Variants in SYTL3 observed in about 807,000 individuals in gnomAD.
The protein encoded by SYTL3 is synaptotagmin-like protein 3.
In SYTL3, 88 loss-of-function variants were observed where a neutral mutation model predicts 82.1. The ratio of observed to expected loss-of-function variants is 1.07; its 90% CI spans 0.90 to 1.28. The LOEUF is 1.28. Ranked by LOEUF, SYTL3 falls within the 50% of genes most tolerant of loss-of-function variation. The pLI, the probability that SYTL3 is intolerant of heterozygous loss-of-function variation, is 0.00. For missense variants in SYTL3, 831 were observed against 757.6 expected, an observed-to-expected ratio of 1.10 and a Z score of -1.14; for synonymous variants, 311 against 289.4, an observed-to-expected ratio of 1.07 and a Z score of -0.76.
At chr6:158,679,822 C>T (rs1054375353) in intron 5 of SYTL3, among the ~76,000 whole-genome samples, 1 of 152,176 alleles carries the variant, frequency 6.6e-6, no homozygotes, top group African/African-American at 2.4e-5. Context: ...GGCACTTTCA[C>T]CTTTTGCTCT....
intron 11 of SYTL3, among the ~76,000 whole-genome samples, chr6:158,732,739 A>C (rs1785571470): frequency 6.6e-6 from 1 of 152,184 alleles, no homozygotes; most frequent in African/African-American, 2.4e-5. Context: ...CCAAGAGCTA[A>C]CCCATCAGTC....
At chr6:158,705,780 G>A (rs1782017945) in intron 6 of SYTL3, among the ~76,000 whole-genome samples, 2 of 151,680 alleles carry the variant, frequency 1.3e-5, no homozygotes, top group South Asian at 2.1e-4. Context: ...CAGGGTGACA[G>A]TGATGGCTGT....
At chr6:158,667,438 A>G (rs1256838620) in intron 5 of SYTL3, among the ~76,000 whole-genome samples, 1 of 152,064 alleles carries the variant, frequency 6.6e-6, no homozygotes, top group Admixed American at 6.6e-5. Context: ...GGTGATGTGC[A>G]TTTTCTTTCC....
chr6:158,757,469 C>G, intron 14 of SYTL3, 88 bp downstream of exon 14: 1 of 1,416,240 alleles, frequency 7.1e-7, no homozygotes, highest in Non-Finnish European at 9.7e-7. Context: ...AGAAAACGTA[C>G]CTGGCAAGAC....
At chr6:158,720,230 C>T (rs7758639) in intron 10 of SYTL3, among the ~76,000 whole-genome samples, 27,979 of 151,796 alleles carry the variant, frequency 0.18, 3,152 homozygotes, top group Non-Finnish European at 0.26. Context: ...GGTAAAACCC[C>T]GTCTCTACTA....
chr6:158,758,251 T>C (rs563885934), intron 14 of SYTL3, among the ~76,000 whole-genome samples: 23 of 152,200 alleles, frequency 1.5e-4, no homozygotes, highest in African/African-American at 4.6e-4. Context: ...CCATCCTGGC[T>C]AACACAGTGA....
At chr6:158,711,608 A>G (rs572392680) in intron 8 of SYTL3, among the ~76,000 whole-genome samples, 5 of 152,236 alleles carry the variant, frequency 3.3e-5, no homozygotes, top group Non-Finnish European at 7.3e-5. Flanking sequence ...GCGAGTCCAC[A>G]GAGTAAAGTG....
At chr6:158,666,075 CAG>C (rs1486475901) in intron 5 of SYTL3, among the ~76,000 whole-genome samples, 1 of 152,196 alleles carries the variant, frequency 6.6e-6, no homozygotes, top group African/African-American at 2.4e-5. Context: ...GCCTGGGCAA[CAG>C]AGTGAGAACC....
intron 8 of SYTL3, 63 bp from the exon 9 acceptor site, chr6:158,713,737 C>A: frequency 7.8e-7 from 1 of 1,278,690 alleles, no homozygotes; most frequent in Non-Finnish European, 1.1e-6. Context: ...AGCCTGGACA[C>A]TGCTGAGGCA....
At chr6:158,681,111 T>C (rs916236873) in intron 5 of SYTL3, among the ~76,000 whole-genome samples, 2 of 152,228 alleles carry the variant, frequency 1.3e-5, no homozygotes, top group Non-Finnish European at 2.9e-5. Context: ...TTAATTTTTT[T>C]CTTAAATTTG....
At chr6:158,715,409 C>T (rs964034318) in intron 9 of SYTL3, among the ~76,000 whole-genome samples, 2 of 152,096 alleles carry the variant, frequency 1.3e-5, no homozygotes, top group Non-Finnish European at 2.9e-5. Context: ...ATTGGATATG[C>T]TCACAGCTGT....
rs555897718 is a variant in SYTL3, at chr6:158,706,510, C to G, written c.395-720C>G. On this transcript the variant is annotated intron_variant, in intron 6 of 17. Coordinates refer to ENST00000611299, the MANE Select transcript of SYTL3 (RefSeq NM_001242394.2). ...CTCCCAGGGTGGCAGGCCCGGTGTT[C>G]TGGTCTGTGTATTGGGCAGAGTGGA... 5.3e-5 allele frequency among the ~76,000 whole-genome samples: 8 copies of G among 152,290 alleles called. No homozygotes were observed. The South Asian group carries it at 1.7e-3, about 32-fold the overall frequency.
chr6:158,673,004 C>G (rs1332194668), intron 5 of SYTL3, among the ~76,000 whole-genome samples: 1 of 152,092 alleles, frequency 6.6e-6, no homozygotes, highest in Non-Finnish European at 1.5e-5. Flanking sequence ...GATCATAGCT[C>G]ACTGCAGCCT....
upstream of SYTL3, among the ~76,000 whole-genome samples, chr6:158,649,290 C>A (rs772701352): frequency 6.6e-6 from 1 of 152,254 alleles, no homozygotes; most frequent in South Asian, 2.1e-4. Flanking sequence ...ATTTGCCACT[C>A]ACACTCCATG....
intron 13 of SYTL3, among the ~76,000 whole-genome samples, chr6:158,754,119 A>T (rs1788769106): frequency 6.6e-6 from 1 of 152,174 alleles, no homozygotes; most frequent in East Asian, 1.9e-4. Context: ...ATTCAGGTGG[A>T]TGAGGCTGTG....
At position 158,718,189 on chromosome 6, in the gene SYTL3, C is replaced by T; in HGVS notation, c.698C>T (p.Thr233Ile). ...ACAGAGAGACGGAGCCAGTCTGACA[C>T]TGCGGTCAACGTCACCACCAGGGTA... The part of the protein sequence containing the change: ...GQTERRSQSD[T>I]AVNVTTRKVS... Residue 233 changes from threonine to isoleucine, a missense_variant, in exon 10 of 18, where the codon ACT (threonine) becomes ATT (isoleucine). Physicochemically the swap from Thr to Ile is moderately conservative, Grantham distance 89 (BLOSUM62 -1). Transcript: ENST00000611299. The T allele has an allele frequency of 6.5e-7, 1 of 1,540,798 alleles. No individual in the cohort carries two copies. The highest frequency in any genetic ancestry group is 8.8e-7 in the Non-Finnish European group (1 of 1,141,864).
chr6:158,698,623 T>C (rs1350123974), intron 6 of SYTL3, among the ~76,000 whole-genome samples: 1 of 152,178 alleles, frequency 6.6e-6, no homozygotes, highest in South Asian at 2.1e-4. Flanking sequence ...CAAACTTCAG[T>C]GTGGGTCAAC....
chr6:158,754,686 C>G (rs1039904414), intron 13 of SYTL3, among the ~76,000 whole-genome samples: 1 of 152,258 alleles, frequency 6.6e-6, no homozygotes, highest in Non-Finnish European at 1.5e-5. Context: ...CACCACTGCA[C>G]TCCAGCCTGG....
intron 10 of SYTL3, among the ~76,000 whole-genome samples, chr6:158,720,378 C>G (rs2128472921): frequency 7.4e-6 from 1 of 136,024 alleles, no homozygotes; most frequent in African/African-American, 2.9e-5. Flanking sequence ...TACGCTCCAG[C>G]CTGGGTGACA....
Sources: gnomAD v4.1 joint callset for allele counts (sites outside exome capture counted in the v4.1 genomes callset) on GRCh38, gnomAD v4.1.1 for gene constraint, MANE v1.5 for transcripts, NCBI Gene and HGNC (gene_info 2026-07-23, HGNC 2026-07-21) for gene names.